SIRT7: variants seen among roughly 807,000 people sequenced by gnomAD.
SIRT7 encodes NAD-dependent protein deacetylase sirtuin-7.
A neutral mutation model predicts 42.8 loss-of-function variants in SIRT7; 32 were observed. The observed-to-expected ratio is 0.75, with a 90% confidence interval of 0.56 to 1.00. The LOEUF (loss-of-function observed/expected upper bound fraction) is 1.00, where lower values mean the gene tolerates loss of function less well. SIRT7 is among the 50% of genes least tolerant of loss of function. The probability of loss-of-function intolerance (pLI) is 0.00; values close to 1 mark genes in which losing one functional copy is unlikely to be tolerated. For synonymous variants in SIRT7, 297 were observed against 245.2 expected (o/e 1.21, Z -1.97); for missense variants, 553 against 572.2 (o/e 0.97, Z 0.34).
chr17:81,913,853 G>A lies in SIRT7; in HGVS notation c.925C>T (p.Leu309=). The A allele has an allele frequency of 6.4e-7, 1 of 1,551,260 alleles. No individual in the cohort carries two copies. ...QWTPKDDWAA[L]KLHGKCDDVM... is the part of the protein sequence containing the mutation. ...TCATCACACTTCCCATGTAGCTTCA[G>A]GGCAGCCCAGTCATCCTTCGGGGTC... is the stretch of plus-strand genomic sequence containing the variant. Residue 309 remains leucine (L), a synonymous_variant, in exon 9 of 10, where the codon CTG becomes TTG. Transcript: ENST00000328666. This position sits in a 1 kb window ranked among gnomAD's most constrained non-coding sequence, Gnocchi z 5.0.
rs201580163 is a variant in SIRT7, at chr17:81,913,899, G to A, written c.898-19C>T. 5.7e-5 allele frequency: 88 copies of A among 1,549,082 alleles called. No individual in the cohort carries two copies. Among genetic ancestry groups the A allele is most frequent in the Non-Finnish European group, 6.2e-5 (71 of 1,145,838 alleles). ...GGGTCCACTGAGGACAGGGAAAGCC[G>A]AGTGAGAGTAACAGCAGCCCAACCC... On this transcript the variant is annotated intron_variant, in intron 8 of 9. Transcript: ENST00000328666. The surrounding 1 kb of genome is among the most constrained non-coding windows in gnomAD (Gnocchi z 5.0).
intron 5 of SIRT7, 50 bp downstream of exon 5, chr17:81,915,390 G>C (rs764093516): frequency 6.3e-7 from 1 of 1,582,842 alleles, no homozygotes; most frequent in Non-Finnish European, 8.6e-7. Flanking sequence ...TGGGCACCAA[G>C]GTGCTCTGCC....
chr17:81,916,454 A>G (rs908952437), intron 3 of SIRT7: 1 of 144,800 alleles, frequency 6.9e-6, no homozygotes. Flanking sequence ...TAATTACATG[A>G]CTGGACTTTT....
Position 81,914,069 on chromosome 17 carries a change from T to C in SIRT7, c.897+18A>G. The C allele has an allele frequency of 6.2e-7, 1 of 1,613,156 alleles. No homozygotes were observed. Among genetic ancestry groups the C allele is most frequent in the Non-Finnish European group, 8.5e-7 (1 of 1,179,908 alleles). Reference sequence around the variant, plus strand: ...TAAGACCCAGATCTAAGGACGTGGCTCTCAGCACCCGAGTTACCTGCAGGT... The same window carrying C: ...TAAGACCCAGATCTAAGGACGTGGCCCTCAGCACCCGAGTTACCTGCAGGT... On this transcript the variant is annotated intron_variant, in intron 8 of 9. Transcript: ENST00000328666.
chr17:81,913,723 G>A lies in SIRT7; in HGVS notation c.1004+51C>T, dbSNP rs1321919870. ...CAGCTCACGAGAGAAGACAGACAAG[G>A]CCCAGCACACAGAGGTGCGGGGAAG... On this transcript the variant is annotated intron_variant, in intron 9 of 9. Coordinates refer to ENST00000328666, the MANE Select transcript of SIRT7 (RefSeq NM_016538.3). The surrounding 1 kb of genome is among the most constrained non-coding windows in gnomAD (Gnocchi z 5.0). 4 of 1,422,426 alleles carry A rather than the reference G, an allele frequency of 2.8e-6. No homozygotes were observed. Among genetic ancestry groups the A allele is most frequent in the East Asian group, 2.5e-5 (1 of 40,276 alleles). The allele number at this position is 1,422,426 out of a possible 1,614,324, so 88.1% of individuals were successfully genotyped here. A position where few individuals can be genotyped will look rare whatever the true frequency, so the allele number is the denominator to read the frequency against.
chr17:81,917,798 G>C, intron 2 of SIRT7, 32 bp downstream of exon 2: 4 of 1,406,740 alleles, frequency 2.8e-6, no homozygotes, highest in Non-Finnish European at 3.7e-6. Flanking sequence ...TCCCGAAACC[G>C]GGGGCGCCCG....
Position 81,914,155 on chromosome 17 carries a change from A to G in SIRT7, c.829T>C (p.Tyr277His), listed in dbSNP as rs1378621335. The G allele has an allele frequency of 1.2e-6, 2 of 1,613,566 alleles. No individual in the cohort carries two copies. The highest frequency in any genetic ancestry group is 1.1e-5 in the South Asian group (1 of 91,080). The part of the protein sequence containing the change: ...LGSSLKVLKK[Y>H]PRLWCMTKPP... ...TTGGTCATGCACCAGAGGCGTGGGT[A>G]CTTCTTTAGAACCTGTGGAAGCAGA... The change falls in exon 8 of 10, where the codon TAC becomes CAC. Residue 277 changes from tyrosine to histidine, a missense_variant. Tyr to His is a moderately conservative substitution (Grantham distance 83). Transcript: ENST00000328666.
chr17:81,916,058 A>C, intron 3 of SIRT7: 2 of 293,532 alleles, frequency 6.8e-6, no homozygotes, highest in South Asian at 6.8e-5. Flanking sequence ...CACAGCTCAC[A>C]CATTTAGCAA....
Position 81,918,077 on chromosome 17 carries a change from T to C in SIRT7, c.55A>G (p.Arg19Gly). The C allele has an allele frequency of 2.6e-6, 4 of 1,550,380 alleles. No homozygotes were observed. Among genetic ancestry groups the C allele is most frequent in the Non-Finnish European group, 3.4e-6 (4 of 1,159,500 alleles). The change falls in exon 1 of 10, where the codon AGG (arginine) becomes GGG (glycine). Residue 19 changes from arginine to glycine, a missense_variant. Physicochemically the swap from Arg to Gly is moderately radical, Grantham distance 125. Coordinates refer to ENST00000328666, the MANE Select transcript of SIRT7 (RefSeq NM_016538.3). ...SERKAAERVRRLREEQQRERL... is the reference protein window; with the variant it reads ...SERKAAERVRGLREEQQRERL... The stretch of plus-strand genomic sequence containing the variant: ...TCCCTCTGCTGCTCCTCCCGCAACC[T>C]CCGGACCCGCTCCGCCGCTTTGCGC...
chr17:81,917,238 G>C (rs1256640950), intron 3 of SIRT7: 1 of 171,474 alleles, frequency 5.8e-6, no homozygotes, highest in Non-Finnish European at 1.2e-5. Flanking sequence ...ACTTGTCAGT[G>C]AAACTTCTCA....
chr17:81,912,829 G>C (rs1191007596), intron 9 of SIRT7: 1 of 616,626 alleles, frequency 1.6e-6, no homozygotes, highest in Non-Finnish European at 2.9e-6. Flanking sequence ...TCAAAGGTCG[G>C]CACCCACACT....
intron 2 of SIRT7, 23 bp downstream of exon 2, chr17:81,917,807 C>A (rs1212043922): frequency 7.1e-7 from 1 of 1,407,446 alleles, no homozygotes; most frequent in Non-Finnish European, 9.2e-7. Flanking sequence ...CGGGGGCGCC[C>A]GCGCGCCGCA....
At chr17:81,914,750 G>T in intron 5 of SIRT7, 48 bp from the exon 6 acceptor site, 1 of 1,507,534 alleles carries the variant, frequency 6.6e-7, no homozygotes, top group Non-Finnish European at 9.2e-7. Flanking sequence ...GCCAGTGGTG[G>T]TGGGGAGGTC....
chr17:81,912,136 G>A lies in SIRT7; in HGVS notation c.*280C>T. 1 of 506,104 alleles carries A rather than the reference G, an allele frequency of 2.0e-6. No individual in the cohort carries two copies. Among genetic ancestry groups the A allele is most frequent in the South Asian group, 2.1e-5 (1 of 48,344 alleles). 31.4% of individuals were successfully genotyped at this position (506,104 alleles called of 1,614,324 possible). On this transcript the variant is annotated 3_prime_UTR_variant, in exon 10 of 10. Coordinates refer to ENST00000328666, the MANE Select transcript of SIRT7 (RefSeq NM_016538.3). ...GGCCGCTGGGCGCTTCCACTCTGCA[G>A]GCCGGGGCTGAAATAACCCGAGTTC...
intron 3 of SIRT7, chr17:81,917,393 G>A (rs1210833354): frequency 2.3e-6 from 1 of 434,710 alleles, no homozygotes. Context: ...GGGGGTGCCT[G>A]CGAGCAGTCG....
intron 3 of SIRT7, chr17:81,917,401 T>C (rs951387330): frequency 9.0e-6 from 4 of 444,572 alleles, no homozygotes; most frequent in Non-Finnish European, 1.6e-5. Flanking sequence ...CTGCGAGCAG[T>C]CGGCTACTAC....
chr17:81,915,377 C>T lies in SIRT7; in HGVS notation c.480+63G>A, dbSNP rs531203659. ...CAGAGGGCGGGTGCAGTTAGTTGCC[C>T]ACTGGGCACCAAGGTGCTCTGCCTG... is the stretch of plus-strand genomic sequence containing the variant. On this transcript the variant is annotated intron_variant, in intron 5 of 9. Coordinates refer to ENST00000328666, the MANE Select transcript of SIRT7 (RefSeq NM_016538.3). 40 of 1,556,042 alleles carry T rather than the reference C, an allele frequency of 2.6e-5. No individual in the cohort carries two copies. The East Asian group carries it at 7.5e-4, about 29-fold the overall frequency.
At chr17:81,916,283 C>T (rs1463306532) in intron 3 of SIRT7, 5 of 153,042 alleles carry the variant, frequency 3.3e-5, no homozygotes, top group Middle Eastern at 3.4e-3. Flanking sequence ...TTGGGGACTC[C>T]CGACTCCTGC....
rs890363805 is a variant in SIRT7 at position 81,918,085 on chromosome 17, C to T, written c.47G>A (p.Arg16Gln). 505 of 1,551,162 alleles carry T rather than the reference C, an allele frequency of 3.3e-4. 1 individual carries two copies. Among genetic ancestry groups the T allele is most frequent in the Non-Finnish European group, 4.2e-4 (483 of 1,159,868 alleles). The change falls in exon 1 of 10, where the codon CGG (arginine) becomes CAG (glutamine). Residue 16 changes from arginine to glutamine, a missense_variant. Arg to Gln is a conservative substitution (Grantham distance 43). Coordinates refer to ENST00000328666, the MANE Select transcript of SIRT7 (RefSeq NM_016538.3). The stretch of plus-strand genomic sequence containing the variant: ...CTGCTCCTCCCGCAACCTCCGGACC[C>T]GCTCCGCCGCTTTGCGCTCGGAGCG... ...LSRSERKAAE[R>Q]VRRLREEQQR... is the part of the protein sequence containing the mutation.
Sources: allele counts gnomAD v4.1 joint callset, GRCh38; gene constraint gnomAD v4.1.1; non-coding constraint Gnocchi (gnomAD v3.1); transcripts MANE v1.5; gene names NCBI Gene and HGNC (gene_info 2026-07-23, HGNC 2026-07-21).